Variants in ABI3BP observed in about 807,000 individuals in gnomAD.
The protein encoded by ABI3BP is target of Nesh-SH3.
In ABI3BP, 216 loss-of-function variants were observed where a neutral mutation model predicts 268.6. The ratio of observed to expected loss-of-function variants is 0.80; its 90% CI spans 0.72 to 0.90. The LOEUF (loss-of-function observed/expected upper bound fraction) is 0.90, where lower values mean the gene tolerates loss of function less well. Ranked by LOEUF, ABI3BP falls within the 40% of genes least tolerant of loss-of-function variation. ABI3BP has a pLI of 0.00. For synonymous variants in ABI3BP, 730 were observed against 730.0 expected (o/e 1.00, Z 0.00); for missense variants, 2,090 against 2,182.4 (o/e 0.96, Z 0.84).
intron 40 of ABI3BP, among the ~76,000 whole-genome samples, chr3:100,819,357 A>G (rs892806198): frequency 2.0e-5 from 3 of 152,090 alleles, no homozygotes; most frequent in Non-Finnish European, 4.4e-5. Flanking sequence ...CTTATTCTTC[A>G]TAACATTTTC....
At chr3:100,911,850 T>G in intron 2 of ABI3BP, 3 of 1,600,150 alleles carry the variant, frequency 1.9e-6, no homozygotes, top group Non-Finnish European at 1.7e-6. Context: ...AAGCAGCCTC[T>G]CTCTAAACGT....
Position 100,811,670 on chromosome 3 carries a change from CT to C in ABI3BP, c.3493+57del, listed in dbSNP as rs2097863353. Reference sequence around the variant, plus strand: ...GAACTTTCATATTCCGTGGATGTAACTGATGTTAATTTAAAATGTGTGGAAT... The same window carrying C: ...GAACTTTCATATTCCGTGGATGTAACGATGTTAATTTAAAATGTGTGGAAT... On this transcript the variant is annotated intron_variant, in intron 47 of 67. Transcript: ENST00000471714. 43 of 1,474,404 alleles carry C rather than the reference CT, an allele frequency of 2.9e-5. No homozygotes were observed. The South Asian group carries it at 5.2e-4, about 18-fold the overall frequency. 91.3% of individuals were successfully genotyped at this position (1,474,404 alleles called of 1,614,324 possible). A position where few individuals can be genotyped will look rare whatever the true frequency, so the allele number is the denominator to read the frequency against.
chr3:100,940,038 T>G (rs2068215187), intron 1 of ABI3BP, among the ~76,000 whole-genome samples: 1 of 151,928 alleles, frequency 6.6e-6, no homozygotes, highest in African/African-American at 2.4e-5. Context: ...GTGGTCAGAG[T>G]TTAAGGTTAT....
chr3:100,808,151 A>T lies in ABI3BP; in HGVS notation c.3682+10T>A, dbSNP rs754615488. On this transcript the variant is annotated intron_variant, in intron 50 of 67. Transcript: ENST00000471714. ...AACTTTTCAAGCTAAAATGTAAAAT[A>T]TATATTTACCTGGTTGTGTTTGTGG... 1 of 1,608,756 alleles carries T rather than the reference A, an allele frequency of 6.2e-7. No homozygotes were observed. Among genetic ancestry groups the T allele is most frequent in the East Asian group, 2.2e-5 (1 of 44,688 alleles).
At chr3:100,850,177 AGAATTTTAACAT>A in intron 16 of ABI3BP, 58 bp from the exon 17 acceptor site, 1 of 1,488,076 alleles carries the variant, frequency 6.7e-7, no homozygotes, top group South Asian at 1.2e-5. Context: ...AGGTATTTGA[AGAATTTTAACAT>A]GCTTTTAGAT....
Position 100,778,381 on chromosome 3 carries a change from G to A in ABI3BP, c.4241-5C>T. 1 of 1,611,988 alleles carries A rather than the reference G, an allele frequency of 6.2e-7. No homozygotes were observed. The highest frequency in any genetic ancestry group is 8.5e-7 in the Non-Finnish European group (1 of 1,178,568). On this transcript the variant is annotated splice_region_variant and splice_polypyrimidine_tract_variant and intron_variant, in intron 58 of 67. Transcript: ENST00000471714. ...GCAAGGGTGGGCGGCGAGTCCCTGG[G>A]ATTGTGGATAAGAGATTGTATTTTA...
At position 100,876,442 on chromosome 3, in the gene ABI3BP, G is replaced by A. The variant is rs369208230; in HGVS notation, c.745+70C>T. 9.8e-5 allele frequency: 129 copies of A among 1,315,234 alleles called. 1 individual carries two copies. The highest frequency in any genetic ancestry group is 1.2e-4 in the Non-Finnish European group (112 of 939,852). The allele number at this position is 1,315,234 out of a possible 1,614,324, so 81.5% of individuals were successfully genotyped here. A position where few individuals can be genotyped will look rare whatever the true frequency, so the allele number is the denominator to read the frequency against. ...TTAAAAAATCGAGAAAATATGTGCC[G>A]TGTTTGATTACCTTAGCTAAAAGTA... On this transcript the variant is annotated intron_variant, in intron 7 of 67. Transcript: ENST00000471714.
intron 32 of ABI3BP, 120 bp from the exon 33 acceptor site, chr3:100,829,784 G>T: frequency 1.3e-6 from 1 of 757,360 alleles, no homozygotes; most frequent in Non-Finnish European, 2.1e-6. Flanking sequence ...TGAAATATTT[G>T]CCCCTATTTC....
At chr3:100,951,182 C>A (rs1171380250) in intron 1 of ABI3BP, among the ~76,000 whole-genome samples, 1 of 151,896 alleles carries the variant, frequency 6.6e-6, no homozygotes, top group African/African-American at 2.4e-5. Flanking sequence ...TCCCATAACT[C>A]CTCTCTAGCA....
At chr3:100,792,190 C>T (rs923894935) in intron 55 of ABI3BP, among the ~76,000 whole-genome samples, 45 of 151,990 alleles carry the variant, frequency 3.0e-4, no homozygotes, top group Admixed American at 5.3e-4. Context: ...TAGGAAATCA[C>T]TTCTCTGGAT....
chr3:100,884,253 C>T (rs1206509787), intron 6 of ABI3BP, among the ~76,000 whole-genome samples: 1 of 151,100 alleles, frequency 6.6e-6, no homozygotes, highest in Non-Finnish European at 1.5e-5. Context: ...AAACAAAAAA[C>T]CAACCAAACA....
chr3:100,816,871 TC>T, intron 42 of ABI3BP, 103 bp from the exon 43 acceptor site: 1 of 722,318 alleles, frequency 1.4e-6, no homozygotes, highest in Non-Finnish European at 2.3e-6. Flanking sequence ...AAGTCATATG[TC>T]TTTTAAGATT....
intron 6 of ABI3BP, among the ~76,000 whole-genome samples, chr3:100,878,892 C>A (rs1426409729): frequency 6.6e-6 from 1 of 152,092 alleles, no homozygotes; most frequent in Non-Finnish European, 1.5e-5. Flanking sequence ...TTTTTAAAAT[C>A]ATTTCTTTCT....
intron 20 of ABI3BP, chr3:100,844,120 T>C: frequency 1.0e-6 from 1 of 984,844 alleles, no homozygotes; most frequent in Non-Finnish European, 1.2e-6. Flanking sequence ...AAATGTTCCA[T>C]AACAAAGCTG....
chr3:100,908,379 C>A (rs1403512733), intron 2 of ABI3BP, among the ~76,000 whole-genome samples: 1 of 152,072 alleles, frequency 6.6e-6, no homozygotes, highest in African/African-American at 2.4e-5. Flanking sequence ...TCCTATACAC[C>A]AATAACAGAC....
At chr3:100,818,062 T>C (rs2098110922) in intron 41 of ABI3BP, among the ~76,000 whole-genome samples, 1 of 152,208 alleles carries the variant, frequency 6.6e-6, no homozygotes, top group African/African-American at 2.4e-5. Flanking sequence ...ATTAAAACTT[T>C]CAAGACTTAC....
intron 40 of ABI3BP, among the ~76,000 whole-genome samples, chr3:100,819,965 A>G (rs1480952510): frequency 2.1e-5 from 3 of 145,920 alleles, no homozygotes; most frequent in Non-Finnish European, 3.1e-5. Flanking sequence ...AAAAAAAAAA[A>G]AAAAGAAAGA....
chr3:100,913,195 C>T (rs2057397855), intron 2 of ABI3BP, among the ~76,000 whole-genome samples: 1 of 152,168 alleles, frequency 6.6e-6, no homozygotes, highest in Non-Finnish European at 1.5e-5. Context: ...ACCAAATTTA[C>T]ACCACAACAG....
intron 21 of ABI3BP, among the ~76,000 whole-genome samples, chr3:100,841,348 G>A (rs1220718313): frequency 6.6e-5 from 10 of 151,666 alleles, no homozygotes; most frequent in African/African-American, 2.2e-4. Context: ...AGTTTTGAAA[G>A]TAAGAAAAAC....
Sources: gnomAD v4.1 joint callset for allele counts (sites outside exome capture counted in the v4.1 genomes callset) on GRCh38, gnomAD v4.1.1 for gene constraint, MANE v1.5 for transcripts, NCBI Gene and HGNC (gene_info 2026-07-23, HGNC 2026-07-21) for gene names.